The following RSRC1 variants were observed in gnomAD, a reference collection of about 807,000 sequenced individuals.
RSRC1 encodes arginine and serine rich coiled-coil 1.
Under a neutral mutation model 49.1 loss-of-function variants are expected in RSRC1, and 39 were observed. The ratio of observed to expected loss-of-function variants is 0.79; its 90% CI spans 0.61 to 1.04. The LOEUF (loss-of-function observed/expected upper bound fraction) is 1.04, where lower values mean the gene tolerates loss of function less well. RSRC1 is among the 50% of genes least tolerant of loss of function. The pLI, the probability that RSRC1 is intolerant of heterozygous loss-of-function variation, is 0.00. For synonymous variants in RSRC1, 143 were observed against 130.8 expected, an observed-to-expected ratio of 1.09 and a Z score of -0.63; for missense variants, 388 against 402.4, an observed-to-expected ratio of 0.96 and a Z score of 0.31.
chr3:158,340,252 C>G (rs182391573), intron 5 of RSRC1, among the ~76,000 whole-genome samples: 3 of 152,172 alleles, frequency 2.0e-5, no homozygotes, highest in African/African-American at 7.2e-5. Context: ...TTTTCTCTTG[C>G]CGCTCCCTGG....
chr3:158,442,779 A>G (rs755385161), intron 6 of RSRC1, among the ~76,000 whole-genome samples: 1 of 152,022 alleles, frequency 6.6e-6, no homozygotes, highest in Non-Finnish European at 1.5e-5. Flanking sequence ...AATACATTTT[A>G]TAGGGCTATA....
At chr3:158,391,601 GA>G (rs1296934677) in intron 6 of RSRC1, among the ~76,000 whole-genome samples, 6 of 152,108 alleles carry the variant, frequency 3.9e-5, no homozygotes, top group Non-Finnish European at 8.8e-5. Context: ...TCATTTGCCA[GA>G]AGCTGATTCT....
At chr3:158,325,936 A>G (rs377697674) in intron 5 of RSRC1, among the ~76,000 whole-genome samples, 8 of 152,010 alleles carry the variant, frequency 5.3e-5, no homozygotes, top group Non-Finnish European at 7.4e-5. Flanking sequence ...CCTTGAAGAG[A>G]TCCTTCACAT....
intron 5 of RSRC1, among the ~76,000 whole-genome samples, chr3:158,302,471 G>A (rs193138265): frequency 6.6e-6 from 1 of 151,516 alleles, no homozygotes; most frequent in Non-Finnish European, 1.5e-5. Context: ...TAGATGAAAG[G>A]CCTTCTGATA....
At chr3:158,119,374 C>T (rs1016745213) in intron 1 of RSRC1, among the ~76,000 whole-genome samples, 1 of 152,098 alleles carries the variant, frequency 6.6e-6, no homozygotes, top group East Asian at 1.9e-4. Context: ...TCTCATGTTC[C>T]TGTTGTTTTC....
intron 4 of RSRC1, among the ~76,000 whole-genome samples, chr3:158,273,304 T>C (rs1240482739): frequency 6.6e-6 from 1 of 152,108 alleles, no homozygotes; most frequent in East Asian, 1.9e-4. Context: ...CTGGCCCTAG[T>C]CTAAGTCATA....
intron 7 of RSRC1, among the ~76,000 whole-genome samples, chr3:158,530,498 A>G (rs924466745): frequency 6.6e-6 from 1 of 151,760 alleles, no homozygotes; most frequent in African/African-American, 2.4e-5. Context: ...TGTCTCCCTC[A>G]TTAAAACATA....
At chr3:158,379,686 G>T (rs1033160727) in intron 6 of RSRC1, among the ~76,000 whole-genome samples, 1 of 151,688 alleles carries the variant, frequency 6.6e-6, no homozygotes, top group South Asian at 2.1e-4. Flanking sequence ...TATTCCTTCT[G>T]CCTGGACACG....
chr3:158,225,652 C>A, intron 4 of RSRC1: 1 of 448,882 alleles, frequency 2.2e-6, no homozygotes, highest in Admixed American at 2.4e-5. Flanking sequence ...GGGACTTTCT[C>A]ACAGATTTCA....
intron 6 of RSRC1, among the ~76,000 whole-genome samples, chr3:158,364,816 AAATAAT>A (rs59055843): frequency 0.036 from 5,248 of 144,174 alleles, 284 homozygotes; most frequent in African/African-American, 0.12. Context: ...AGAATGGGAA[AAATAAT>A]AATAATAATA....
intron 7 of RSRC1, among the ~76,000 whole-genome samples, chr3:158,528,981 A>G (rs551375655): frequency 2.6e-5 from 4 of 151,842 alleles, no homozygotes; most frequent in South Asian, 4.1e-4. Context: ...TAAAGTGACA[A>G]TTTCCTACTT....
rs142259675 is a variant in RSRC1, at chr3:158,152,930, C to T, written c.320+28939C>T. Among the ~76,000 whole-genome samples, 1,009 of 152,238 alleles carry T rather than the reference C, an allele frequency of 6.6e-3. 11 individuals are homozygous for T. Among genetic ancestry groups the T allele is most frequent in the African/African-American group, 0.023 (968 of 41,538 alleles). Reference sequence around the variant, plus strand: ...TCTTTTAATTATGATCTTAGTAGATCTAATAACCCTAACACTTGGAAAGTT... The same window carrying T: ...TCTTTTAATTATGATCTTAGTAGATTTAATAACCCTAACACTTGGAAAGTT... On this transcript the variant is annotated intron_variant, in intron 3 of 9. Coordinates refer to ENST00000611884, the MANE Select transcript of RSRC1 (RefSeq NM_001271838.2).
intron 7 of RSRC1, among the ~76,000 whole-genome samples, chr3:158,495,649 C>CA (rs879477465): frequency 6.6e-6 from 1 of 152,162 alleles, no homozygotes; most frequent in Non-Finnish European, 1.5e-5. Context: ...CACAGTCACT[C>CA]AGAAAACTTA....
chr3:158,476,045 A>T (rs62289514), intron 7 of RSRC1, among the ~76,000 whole-genome samples: 4,481 of 152,300 alleles, frequency 0.029, 109 homozygotes, highest in Non-Finnish European at 0.047. Flanking sequence ...AAACAGCCTT[A>T]TTGCTGACAG....
chr3:158,262,919 C>T (rs1724979995), intron 4 of RSRC1, among the ~76,000 whole-genome samples: 1 of 152,036 alleles, frequency 6.6e-6, no homozygotes, highest in Non-Finnish European at 1.5e-5. Context: ...ATTAAATTCA[C>T]TTATACTTTT....
intron 4 of RSRC1, among the ~76,000 whole-genome samples, chr3:158,286,079 TG>T (rs1726536229): frequency 6.6e-6 from 1 of 152,226 alleles, no homozygotes; most frequent in South Asian, 2.1e-4. Context: ...TTGTGAATAT[TG>T]TAAGAATTGA....
intron 4 of RSRC1, among the ~76,000 whole-genome samples, chr3:158,289,745 G>C (rs1482071421): frequency 6.6e-6 from 1 of 152,202 alleles, no homozygotes; most frequent in Non-Finnish European, 1.5e-5. Flanking sequence ...TTGTAGATCA[G>C]AGTACTGACA....
chr3:158,509,322 A>G (rs1405748514), intron 7 of RSRC1, among the ~76,000 whole-genome samples: 1 of 152,224 alleles, frequency 6.6e-6, no homozygotes, highest in Non-Finnish European at 1.5e-5. Context: ...TGTAAAGGGC[A>G]TAAAGAATAA....
rs1487821908 is a variant in RSRC1, at chr3:158,544,380, A to G, written c.*105A>G. On this transcript the variant is annotated 3_prime_UTR_variant, in exon 10 of 10. Transcript: ENST00000611884. ...ACTCTTAAAAAGAATTTTGCTGATT[A>G]TATATAAAGGTAGTCTCATTTCATT... 4.6e-6 allele frequency: 3 copies of G among 653,078 alleles called. No homozygotes were observed. In the African/African-American group the frequency reaches 5.5e-5, roughly 12 times the overall value. The allele number at this position is 653,078 out of a possible 1,614,324, so 40.5% of individuals were successfully genotyped here.
Sources: gnomAD v4.1 joint callset for allele counts (sites outside exome capture counted in the v4.1 genomes callset) on GRCh38, gnomAD v4.1.1 for gene constraint, MANE v1.5 for transcripts, NCBI Gene and HGNC (gene_info 2026-07-23, HGNC 2026-07-21) for gene names.